The following IDUA variants were observed in gnomAD, a reference collection of about 807,000 sequenced individuals.
IDUA encodes the protein alpha-L-iduronidase.
A neutral mutation model predicts 68.9 loss-of-function variants in IDUA; 65 were observed. The observed-to-expected ratio is 0.94, with a 90% confidence interval of 0.77 to 1.16. IDUA has a LOEUF of 1.16. IDUA is among the 50% of genes most tolerant of loss of function. The pLI, the probability that IDUA is intolerant of heterozygous loss-of-function variation, is 0.00. For missense variants in IDUA, 1,046 were observed against 938.0 expected (o/e 1.12, Z -1.50); for synonymous variants, 529 against 433.6 (o/e 1.22, Z -2.73).
intron 2 of IDUA, among the ~76,000 whole-genome samples, chr4:996,063 GC>G (rs1223804111): frequency 6.6e-6 from 1 of 152,200 alleles, no homozygotes; most frequent in African/African-American, 2.4e-5. Flanking sequence ...CACCTGGGAT[GC>G]CCTCTCCAAG....
In IDUA at chr4:1,002,941, C is replaced by T. The variant is rs1228627906; in HGVS notation, c.1399C>T (p.Pro467Ser). 16 of 1,359,884 alleles carry T rather than the reference C, an allele frequency of 1.2e-5. No homozygotes were observed. The highest frequency in any genetic ancestry group is 1.5e-5 in the Non-Finnish European group (16 of 1,063,958). 84.2% of individuals were successfully genotyped at this position (1,359,884 alleles called of 1,614,324 possible). ...GCGGCTGCGCGGGGTGCCCCCCGGC[C>T]CGGGTAAGCCGGGGTTCCAGGGAGG... ...TLRLRGVPPGPGLVYVTRYLD... is the reference protein window; with the variant it reads ...TLRLRGVPPGSGLVYVTRYLD... The change falls in exon 9 of 14, where the codon CCG (proline) becomes TCG (serine). Residue 467 changes from proline to serine, a missense_variant. Pro to Ser is a moderately conservative substitution (Grantham distance 74, BLOSUM62 -1). Transcript: ENST00000514224.
At chr4:993,831 G>A (rs1458116468) in intron 2 of IDUA, among the ~76,000 whole-genome samples, 4 of 152,230 alleles carry the variant, frequency 2.6e-5, no homozygotes, top group African/African-American at 9.6e-5. Context: ...CAGGGCAGAG[G>A]CTGACAGCCG....
At position 1,004,343 on chromosome 4, in the gene IDUA, T is replaced by C. The variant is rs747181335; in HGVS notation, c.1912T>C (p.Tyr638His). The change falls in exon 14 of 14, where the codon TAC becomes CAC. Residue 638 changes from tyrosine to histidine, a missense_variant. By Grantham distance (83) the Tyr-to-His change is moderately conservative. Coordinates refer to ENST00000514224, the MANE Select transcript of IDUA (RefSeq NM_000203.5). The surrounding 1 kb of genome is among the most constrained non-coding windows in gnomAD (Gnocchi z 5.0). ...AGGCCCCTTCTCGGACCCTGTGCCG[T>C]ACCTGGAGGTCCCTGTGCCAAGAGG... Reference protein sequence around the residue: ...RPGPFSDPVPYLEVPVPRGPP... With the variant: ...RPGPFSDPVPHLEVPVPRGPP... 1.2e-6 allele frequency: 2 copies of C among 1,611,732 alleles called. No homozygotes were observed. Among genetic ancestry groups the C allele is most frequent in the South Asian group, 1.1e-5 (1 of 91,068 alleles).
intron 2 of IDUA, chr4:989,213 C>G (rs769404125): frequency 2.5e-6 from 4 of 1,610,130 alleles, no homozygotes; most frequent in Admixed American, 1.7e-5. Flanking sequence ...TCTGAGCCCC[C>G]CTCCTTCCTC....
At position 987,371 on chromosome 4, in the gene IDUA, C is replaced by A; in HGVS notation, c.158+129C>A. 10 of 960,560 alleles carry A rather than the reference C, an allele frequency of 1.0e-5. No homozygotes were observed. The South Asian group carries it at 1.5e-4, about 15-fold the overall frequency. 59.5% of individuals were successfully genotyped at this position (960,560 alleles called of 1,614,324 possible). A position where few individuals can be genotyped will look rare whatever the true frequency, so the allele number is the denominator to read the frequency against. On this transcript the variant is annotated intron_variant, in intron 1 of 13. Transcript: ENST00000514224. ...TGGGGCCCTGGCTCTCCCGGGCCCG[C>A]CCCCCGCCGTGTTTGTGGGTGGGTC...
chr4:1,003,933 C>G, intron 12 of IDUA, 79 bp from the exon 13 acceptor site: 1 of 1,159,874 alleles, frequency 8.6e-7, no homozygotes. Flanking sequence ...GGCTGTGGGT[C>G]CACGCGGCCG....
chr4:992,268 C>T (rs1714420935), intron 2 of IDUA: 1 of 450,142 alleles, frequency 2.2e-6, no homozygotes, highest in African/African-American at 2.0e-5. Flanking sequence ...CATGCCCACA[C>T]CAGAGCCCTC....
chr4:995,052 T>C (rs1714659111), intron 2 of IDUA, among the ~76,000 whole-genome samples: 1 of 151,624 alleles, frequency 6.6e-6, no homozygotes. Flanking sequence ...AAGTCTTTTT[T>C]TTTTTTTTTT....
Position 1,003,455 on chromosome 4 carries a change from G to T in IDUA, c.1635G>T (p.Glu545Asp). 1 of 1,555,730 alleles carries T rather than the reference G, an allele frequency of 6.4e-7. No individual in the cohort carries two copies. ...TGGTGCACGTGTGTGCGCGCCCCGA[G>T]AAGCCGCCCGGGCAGGCAAGTGGCA... ...LLLVHVCARP[E>D]KPPGQVTRLR... Residue 545 changes from glutamate to aspartate, a missense_variant, in exon 11 of 14, where the codon GAG becomes GAT. Transcript: ENST00000514224.
Position 1,001,496 on chromosome 4 carries a change from G to C in IDUA, c.522G>C (p.Lys174Asn). The C allele has an allele frequency of 1.2e-6, 2 of 1,613,232 alleles. No individual in the cohort carries two copies. Residue 174 changes from lysine to asparagine, a missense_variant, in exon 5 of 14, where the codon AAG (lysine) becomes AAC (asparagine). Lys to Asn is a moderately conservative substitution (Grantham distance 94, BLOSUM62 0). Coordinates refer to ENST00000514224, the MANE Select transcript of IDUA (RefSeq NM_000203.5). The part of the protein sequence containing the change: ...IGRYGLAHVS[K>N]WNFETWNEPD... ...GGTACGGACTGGCGCATGTTTCCAA[G>C]TGGAACTTCGAGACGTGGAATGAGC...
chr4:988,503 G>T, intron 2 of IDUA: 2 of 1,155,550 alleles, frequency 1.7e-6, no homozygotes, highest in Non-Finnish European at 2.1e-6. Context: ...CATGATGGCG[G>T]GGGACCCTTG....
At chr4:991,662 C>G in intron 2 of IDUA, 11 of 1,543,104 alleles carry the variant, frequency 7.1e-6, no homozygotes, top group Non-Finnish European at 9.6e-6. Context: ...GGACCGGCAC[C>G]GGCCCTCTGC....
chr4:994,771 T>G (rs1714641152), intron 2 of IDUA, among the ~76,000 whole-genome samples: 1 of 151,490 alleles, frequency 6.6e-6, no homozygotes, highest in Non-Finnish European at 1.5e-5. Context: ...AAATTAAAAG[T>G]AAAAAATTAG....
chr4:989,650 A>C, intron 2 of IDUA: 2 of 1,589,282 alleles, frequency 1.3e-6, no homozygotes, highest in Non-Finnish European at 1.7e-6. Context: ...CAGCGGTGCC[A>C]GCGCCAGCAG....
intron 2 of IDUA, chr4:991,798 C>A: frequency 6.5e-7 from 1 of 1,530,700 alleles, no homozygotes; most frequent in Non-Finnish European, 8.7e-7. Flanking sequence ...AGGTCCCCGG[C>A]AGCAACGGGC....
At position 1,001,564 on chromosome 4, in the gene IDUA, G is replaced by A. The variant is rs1293215555; in HGVS notation, c.589+1G>A. Reference sequence around the variant, plus strand: ...GACAACGTCTCCATGACCATGCAAGGTGTGCACCGCTTCCTGGGGTCCTGC... The same window carrying A: ...GACAACGTCTCCATGACCATGCAAGATGTGCACCGCTTCCTGGGGTCCTGC... On this transcript the variant is annotated splice_donor_variant, in intron 5 of 13. Transcript: ENST00000514224. LOFTEE classifies it high-confidence loss of function. The A allele has an allele frequency of 1.2e-6, 2 of 1,612,938 alleles. No homozygotes were observed. Among genetic ancestry groups the A allele is most frequent in the Non-Finnish European group, 1.7e-6 (2 of 1,179,864 alleles).
chr4:1,004,027 C>T lies in IDUA; in HGVS notation c.1743C>T (p.Tyr581=), dbSNP rs776787370. 18 of 1,611,730 alleles carry T rather than the reference C, an allele frequency of 1.1e-5. No individual in the cohort carries two copies. The highest frequency in any genetic ancestry group is 5.5e-5 in the South Asian group (5 of 90,888). ...ACCTCCCCAGGTGCCTGTGGACATA[C>T]GAGATCCAGTTCTCTCAGGACGGTA... ...EHVGSKCLWT[Y]EIQFSQDGKA... The change falls in exon 13 of 14, where the codon TAC becomes TAT. Residue 581 remains tyrosine, a synonymous_variant. Transcript: ENST00000514224. The surrounding 1 kb of genome is among the most constrained non-coding windows in gnomAD (Gnocchi z 5.0).
chr4:987,606 C>T (rs1713836164), intron 1 of IDUA: 22 of 1,433,304 alleles, frequency 1.5e-5, no homozygotes, highest in Admixed American at 2.6e-5. Context: ...TGGCGTTGGC[C>T]CCTCGTCTTA....
At chr4:988,021 G>T (rs1277911677) in intron 2 of IDUA, 72 bp downstream of exon 2, 4 of 1,503,662 alleles carry the variant, frequency 2.7e-6, no homozygotes, top group Non-Finnish European at 3.6e-6. Flanking sequence ...AGGGCTGGGG[G>T]CTGCTCGGAA....
Sources: allele counts gnomAD v4.1 joint callset (sites outside exome capture counted in the v4.1 genomes callset), GRCh38; gene constraint gnomAD v4.1.1; non-coding constraint Gnocchi (gnomAD v3.1); transcripts MANE v1.5; gene names NCBI Gene and HGNC (gene_info 2026-07-23, HGNC 2026-07-21).